The following KIAA1217 variants were observed in gnomAD, a reference collection of about 807,000 sequenced individuals.
The protein encoded by KIAA1217 is sickle tail protein homolog.
In KIAA1217, 88 loss-of-function variants were observed where a neutral mutation model predicts 163.9. The ratio of observed to expected loss-of-function variants is 0.54; its 90% CI spans 0.45 to 0.64. The LOEUF is 0.64. KIAA1217 is among the 30% of genes least tolerant of loss of function. The pLI is 0.00. For synonymous variants in KIAA1217, 903 were observed against 923.1 expected, an observed-to-expected ratio of 0.98 and a Z score of 0.39; for missense variants, 2,372 against 2,475.0, an observed-to-expected ratio of 0.96 and a Z score of 0.88.
At chr10:23,803,197 G>C (rs1163167338) in intron 1 of KIAA1217, among the ~76,000 whole-genome samples, 1 of 152,130 alleles carries the variant, frequency 6.6e-6, no homozygotes, top group African/African-American at 2.4e-5. Flanking sequence ...ACAAGTTGTA[G>C]CTCTTCTGAA....
chr10:24,010,734 A>T (rs962593884), intron 2 of KIAA1217, among the ~76,000 whole-genome samples: 5 of 151,674 alleles, frequency 3.3e-5, no homozygotes, highest in Non-Finnish European at 7.4e-5. Flanking sequence ...GTGGAGTTAG[A>T]ATAAATACAC....
In KIAA1217 at chr10:24,158,342, A is replaced by T. The variant is rs2064972027; in HGVS notation, c.-170-61284A>T. On this transcript the variant is annotated intron_variant, in intron 2 of 18. Coordinates refer to the KIAA1217 transcript ENST00000376462. The stretch of plus-strand genomic sequence containing the variant: ...TCTTTGACTTCAGAAGGTCACCTTG[A>T]TGACACTTGGGTGACTGTGTTCGGG... 3 of 671,306 alleles carry T rather than the reference A, an allele frequency of 4.5e-6. No individual in the cohort carries two copies. The Admixed American group carries it at 5.4e-5, about 12-fold the overall frequency. 41.6% of individuals were successfully genotyped at this position (671,306 alleles called of 1,614,324 possible).
intron 1 of KIAA1217, among the ~76,000 whole-genome samples, chr10:23,953,596 CTA>C (rs752554258): frequency 5.3e-5 from 8 of 152,174 alleles, no homozygotes; most frequent in Non-Finnish European, 1.2e-4. Flanking sequence ...GGCATATTTT[CTA>C]TACCCGACTC....
intron 3 of KIAA1217, among the ~76,000 whole-genome samples, chr10:24,429,776 G>C (rs918533633): frequency 6.6e-6 from 1 of 152,090 alleles, no homozygotes; most frequent in South Asian, 2.1e-4. Flanking sequence ...TTGTAATTTT[G>C]GGAAGTTTTA....
intron 1 of KIAA1217, among the ~76,000 whole-genome samples, chr10:23,882,075 A>T (rs11816141): frequency 0.019 from 2,920 of 152,074 alleles, 92 homozygotes; most frequent in African/African-American, 0.064. Context: ...TATACTTTTG[A>T]TATCATCAAA....
intron 1 of KIAA1217, among the ~76,000 whole-genome samples, chr10:23,956,738 G>A (rs1844577776): frequency 1.3e-5 from 2 of 152,160 alleles, no homozygotes; most frequent in Non-Finnish European, 2.9e-5. Flanking sequence ...AAGGCAAAGG[G>A]AGCCAGTGTA....
At chr10:24,484,037 G>T (rs1157253636) in intron 6 of KIAA1217, among the ~76,000 whole-genome samples, 1 of 151,702 alleles carries the variant, frequency 6.6e-6, no homozygotes, top group Non-Finnish European at 1.5e-5. Context: ...GAAAAGCCCT[G>T]CCTGGCTAAG....
chr10:24,006,357 TCTC>T (rs1271850367), intron 1 of KIAA1217, among the ~76,000 whole-genome samples: 2 of 152,148 alleles, frequency 1.3e-5, no homozygotes, highest in Non-Finnish European at 2.9e-5. Context: ...TCATTTTCCT[TCTC>T]CTTAAAATAT....
intron 2 of KIAA1217, among the ~76,000 whole-genome samples, chr10:24,134,951 A>G (rs2131817171): frequency 6.6e-6 from 1 of 152,276 alleles, no homozygotes; most frequent in Admixed American, 6.5e-5. Flanking sequence ...AAGGAAGTGT[A>G]AGCAGTGGGA....
intron 1 of KIAA1217, among the ~76,000 whole-genome samples, chr10:23,704,162 G>GTATA (rs1836695222): frequency 6.4e-5 from 5 of 77,986 alleles, no homozygotes; most frequent in East Asian, 7.5e-4. Flanking sequence ...GTGTGTGTGT[G>GTATA]TGTGTGTGTG....
At chr10:24,514,097 A>G (rs565578806) in intron 10 of KIAA1217, among the ~76,000 whole-genome samples, 27 of 152,310 alleles carry the variant, frequency 1.8e-4, no homozygotes, top group African/African-American at 6.0e-4. Flanking sequence ...AAGTCCTACT[A>G]TTGAAATGAG....
intron 2 of KIAA1217, among the ~76,000 whole-genome samples, chr10:24,007,676 G>T (rs1270809209): frequency 6.6e-6 from 1 of 152,094 alleles, no homozygotes; most frequent in Non-Finnish European, 1.5e-5. Flanking sequence ...TCAGACTCTG[G>T]CTCAAAGCCA....
chr10:24,294,533 CGTTCACACTGAGGAGGAAATA>C (rs1369847517), intron 2 of KIAA1217, among the ~76,000 whole-genome samples: 1 of 152,150 alleles, frequency 6.6e-6, no homozygotes, highest in Non-Finnish European at 1.5e-5. Flanking sequence ...CAGTTAGCTA[CGTTCACACTGAGGAGGAAATA>C]GACCACCGTG....
intron 1 of KIAA1217, among the ~76,000 whole-genome samples, chr10:23,778,864 G>A (rs1835124186): frequency 6.6e-6 from 1 of 152,088 alleles, no homozygotes; most frequent in African/African-American, 2.4e-5. Flanking sequence ...ATATGGTCTG[G>A]CCACAGTCTG....
At chr10:24,147,083 C>T (rs775014407) in intron 2 of KIAA1217, among the ~76,000 whole-genome samples, 1 of 150,830 alleles carries the variant, frequency 6.6e-6, no homozygotes, top group Non-Finnish European at 1.5e-5. Context: ...TTTGGTGAGG[C>T]CCCAGGATTT....
At chr10:23,814,474 T>A (rs1164692251) in intron 1 of KIAA1217, among the ~76,000 whole-genome samples, 1 of 152,232 alleles carries the variant, frequency 6.6e-6, no homozygotes, top group Non-Finnish European at 1.5e-5. Context: ...TGTTAGCTAT[T>A]TCCCATGACT....
intron 2 of KIAA1217, among the ~76,000 whole-genome samples, chr10:24,238,191 G>C (rs2072550462): frequency 6.6e-6 from 1 of 152,204 alleles, no homozygotes; most frequent in African/African-American, 2.4e-5. Context: ...CTTGCTCGCG[G>C]CTGCCTCCTC....
chr10:24,014,931 TTAATA>T (rs1847405835), intron 2 of KIAA1217, among the ~76,000 whole-genome samples: 1 of 151,978 alleles, frequency 6.6e-6, no homozygotes, highest in Admixed American at 6.6e-5. Flanking sequence ...GGAACAAAAA[TTAATA>T]TAATATCTTC....
At chr10:23,792,839 A>C (rs968486267) in intron 1 of KIAA1217, among the ~76,000 whole-genome samples, 2 of 150,290 alleles carry the variant, frequency 1.3e-5, no homozygotes, top group African/African-American at 4.9e-5. Context: ...GTGGGTAAAA[A>C]CTCTAAGCTT....
Sources: allele counts gnomAD v4.1 joint callset (sites outside exome capture counted in the v4.1 genomes callset), GRCh38; gene constraint gnomAD v4.1.1; transcripts MANE v1.5; gene names NCBI Gene and HGNC (gene_info 2026-07-23, HGNC 2026-07-21).